LUZP2: variants seen among roughly 807,000 people sequenced by gnomAD.
LUZP2 encodes leucine zipper protein 2.
Under a neutral mutation model 51.6 loss-of-function variants are expected in LUZP2, and 52 were observed. That is an observed-to-expected ratio of 1.01 (90% CI 0.81 to 1.27). The LOEUF is 1.27. Among genes scored for constraint, LUZP2 ranks in the 50% most tolerant of loss-of-function variants. The probability of loss-of-function intolerance (pLI) is 0.00; values close to 1 mark genes in which losing one functional copy is unlikely to be tolerated. For synonymous variants in LUZP2, 154 were observed against 137.3 expected (o/e 1.12, Z -0.85); for missense variants, 436 against 395.4 (o/e 1.10, Z -0.87).
intron 5 of LUZP2, among the ~76,000 whole-genome samples, chr11:24,843,429 C>A (rs954166686): frequency 6.6e-6 from 1 of 151,930 alleles, no homozygotes; most frequent in African/African-American, 2.4e-5. Context: ...AAATGATAGG[C>A]CAATCTTTCC....
chr11:24,959,288 G>A (rs917480554), intron 7 of LUZP2, among the ~76,000 whole-genome samples: 2 of 152,064 alleles, frequency 1.3e-5, no homozygotes, highest in African/African-American at 4.8e-5. Flanking sequence ...CCAATTCTGT[G>A]AAGAAAGTCA....
At chr11:24,891,827 C>A in intron 5 of LUZP2, 9 of 977,918 alleles carry the variant, frequency 9.2e-6, no homozygotes, top group Non-Finnish European at 9.7e-6. Flanking sequence ...GGATACGCTG[C>A]AACACTCTGC....
intron 9 of LUZP2, among the ~76,000 whole-genome samples, chr11:25,020,062 T>C (rs1371889518): frequency 6.6e-6 from 1 of 152,080 alleles, no homozygotes; most frequent in Non-Finnish European, 1.5e-5. Context: ...AGCAAACACA[T>C]GATCAAGGTT....
chr11:24,877,491 G>A (rs1464306824), intron 5 of LUZP2, among the ~76,000 whole-genome samples: 6 of 151,920 alleles, frequency 3.9e-5, no homozygotes, highest in South Asian at 2.1e-4. Context: ...ATATATTTGT[G>A]GGGTACATGA....
intron 5 of LUZP2, among the ~76,000 whole-genome samples, chr11:24,858,105 G>A (rs7122346): frequency 0.16 from 23,662 of 152,070 alleles, 1,996 homozygotes; most frequent in African/African-American, 0.21. Flanking sequence ...CAGGGGGGAA[G>A]GAAAAAGCAC....
chr11:24,843,179 A>T (rs977947681), intron 5 of LUZP2, among the ~76,000 whole-genome samples: 2 of 152,092 alleles, frequency 1.3e-5, no homozygotes, highest in Non-Finnish European at 2.9e-5. Context: ...AACTGACTAA[A>T]TAATATGGTG....
chr11:24,705,785 C>A (rs1393609395), intron 1 of LUZP2, among the ~76,000 whole-genome samples: 1 of 152,158 alleles, frequency 6.6e-6, no homozygotes, highest in Non-Finnish European at 1.5e-5. Flanking sequence ...TCAAGATTGG[C>A]TATTAATTTA....
At chr11:24,855,628 ATGGAACCAAAAAGAAGAGT>A (rs1365092664) in intron 5 of LUZP2, among the ~76,000 whole-genome samples, 2 of 152,358 alleles carry the variant, frequency 1.3e-5, no homozygotes, top group Non-Finnish European at 2.9e-5. Context: ...TAACATTTAT[ATGGAACCAAAAAGAAGAGT>A]TGGAACAACC....
At chr11:24,845,675 T>C (rs1851176558) in intron 5 of LUZP2, among the ~76,000 whole-genome samples, 1 of 152,214 alleles carries the variant, frequency 6.6e-6, no homozygotes. Context: ...TCCTACACTC[T>C]TCTTGTGATG....
chr11:24,631,101 C>A (rs749618437), intron 1 of LUZP2, among the ~76,000 whole-genome samples: 2 of 151,852 alleles, frequency 1.3e-5, no homozygotes, highest in Non-Finnish European at 2.9e-5. Context: ...CTGGTGCCAT[C>A]TTTAGGTTTT....
chr11:24,998,532 G>A (rs10834570), intron 9 of LUZP2, among the ~76,000 whole-genome samples: 59,139 of 152,024 alleles, frequency 0.39, 13,789 homozygotes, highest in East Asian at 0.68. Flanking sequence ...GAGACAATGG[G>A]GTTTTTCTCG....
chr11:24,961,617 C>T (rs1249478356), intron 7 of LUZP2, among the ~76,000 whole-genome samples: 2 of 152,050 alleles, frequency 1.3e-5, no homozygotes, highest in Non-Finnish European at 2.9e-5. Context: ...TTCCTCCATC[C>T]TTTTATTTTG....
At chr11:24,717,973 CT>C (rs1388673812) in intron 1 of LUZP2, among the ~76,000 whole-genome samples, 2 of 152,142 alleles carry the variant, frequency 1.3e-5, no homozygotes, top group Non-Finnish European at 2.9e-5. Flanking sequence ...TTGTACCACA[CT>C]TTCGTTATCC....
intron 5 of LUZP2, among the ~76,000 whole-genome samples, chr11:24,800,630 T>G (rs928693902): frequency 6.6e-6 from 1 of 152,068 alleles, no homozygotes; most frequent in African/African-American, 2.4e-5. Context: ...TCCTCACTTA[T>G]CTTCCTCATG....
intron 6 of LUZP2, 87 bp from the exon 7 acceptor site, chr11:24,914,389 T>C (rs967867858): frequency 4.1e-6 from 4 of 986,062 alleles, no homozygotes; most frequent in African/African-American, 1.7e-5. Context: ...CTGCAAAATG[T>C]ATTCCTGTGA....
chr11:25,047,589 A>G (rs1052668118), intron 9 of LUZP2, among the ~76,000 whole-genome samples: 5 of 114,136 alleles, frequency 4.4e-5, no homozygotes, highest in South Asian at 2.8e-4. Context: ...TTCAAATGGC[A>G]TAGATTCTAA....
chr11:24,531,587 C>T (rs1851002165), intron 1 of LUZP2, among the ~76,000 whole-genome samples: 1 of 150,800 alleles, frequency 6.6e-6, no homozygotes, highest in South Asian at 2.1e-4. Context: ...CCTCCCTTTC[C>T]CCTACTTTTC....
intron 6 of LUZP2, among the ~76,000 whole-genome samples, chr11:24,906,359 A>G (rs551446856): frequency 1.3e-5 from 2 of 151,894 alleles, no homozygotes; most frequent in Admixed American, 1.3e-4. Flanking sequence ...GGGAGTCCAT[A>G]AAATTTCCTT....
chr11:24,658,370 A>G (rs1247195544), intron 1 of LUZP2, among the ~76,000 whole-genome samples: 1 of 152,246 alleles, frequency 6.6e-6, no homozygotes, highest in East Asian at 1.9e-4. Flanking sequence ...CTGGCTAGCC[A>G]TATGGAGAAA....
Sources: gnomAD v4.1 joint callset for allele counts (sites outside exome capture counted in the v4.1 genomes callset) on GRCh38, gnomAD v4.1.1 for gene constraint, MANE v1.5 for transcripts, NCBI Gene and HGNC (gene_info 2026-07-23, HGNC 2026-07-21) for gene names.